Variants in ZBTB38 observed in about 807,000 individuals in gnomAD.
ZBTB38 encodes the protein zinc finger and BTB domain-containing protein 38.
ZBTB38 carries 20 observed loss-of-function variants against 76.8 expected under a neutral mutation model. That is an observed-to-expected ratio of 0.26 (90% CI 0.18 to 0.38). ZBTB38 has a LOEUF of 0.38. ZBTB38 is among the 10% of genes least tolerant of loss of function. The pLI is 1.00. For synonymous variants in ZBTB38, 504 were observed against 544.2 expected (o/e 0.93, Z 1.03); for missense variants, 1,082 against 1,482.3 (o/e 0.73, Z 4.43).
At chr3:141,387,065 A>C (rs1947308403) in intron 4 of ZBTB38, 128 bp downstream of exon 4, 1 of 152,702 alleles carries the variant, frequency 6.5e-6, no homozygotes, top group Non-Finnish European at 1.5e-5. Flanking sequence ...TGCTGTGTCT[A>C]GAATTCATTA....
chr3:141,427,453 C>T (rs1378457987), intron 5 of ZBTB38, among the ~76,000 whole-genome samples: 4 of 152,166 alleles, frequency 2.6e-5, no homozygotes, highest in Admixed American at 6.5e-5. Context: ...CATGTGCAAA[C>T]GCCCTGGGCT....
chr3:141,396,643 C>A, intron 4 of ZBTB38: 1 of 160,108 alleles, frequency 6.2e-6, no homozygotes, highest in Non-Finnish European at 1.4e-5. Context: ...CAGTTATAGC[C>A]TTATGAAATA....
At chr3:141,340,950 G>GAAAGAAAGAAAGAA (rs1374086026) in intron 1 of ZBTB38, among the ~76,000 whole-genome samples, 2 of 7,202 alleles carry the variant, frequency 2.8e-4, no homozygotes, top group East Asian at 0.013. Context: ...AAGAAAGAAG[G>GAAAGAAAGAAAGAA]AAAGAAAGAA....
intron 1 of ZBTB38, among the ~76,000 whole-genome samples, chr3:141,351,721 TAA>T (rs11367112): frequency 0.15 from 17,965 of 122,564 alleles, 3,173 homozygotes; most frequent in African/African-American, 0.41. Flanking sequence ...CTCTGTCTCT[TAA>T]AAAAAAAAAA....
rs1381289097 is a variant in ZBTB38 at position 141,442,679 on chromosome 3, T to C, written c.291T>C (p.Val97=). Residue 97 remains valine, a synonymous_variant, in exon 6 of 6, where the codon GTT becomes GTC. Transcript: ENST00000321464. This position sits in a 1 kb window ranked among gnomAD's most constrained non-coding sequence, Gnocchi z 6.4. ...ILNYIYSSTV[V]VKRQETVTDL... is the part of the protein sequence containing the mutation. ...ATTATATCTACAGTTCCACAGTCGT[T>C]GTCAAGAGACAGGAAACAGTCACTG... is the stretch of plus-strand genomic sequence containing the variant. The C allele has an allele frequency of 6.2e-7, 1 of 1,614,216 alleles. No individual in the cohort carries two copies. Among genetic ancestry groups the C allele is most frequent in the Admixed American group, 1.7e-5 (1 of 60,036 alleles).
chr3:141,340,353 C>T (rs1943136849), intron 1 of ZBTB38, among the ~76,000 whole-genome samples: 1 of 151,998 alleles, frequency 6.6e-6, no homozygotes, highest in Non-Finnish European at 1.5e-5. Context: ...GAGACTTTGC[C>T]TAAAAGACCT....
chr3:141,356,120 G>A (rs13095453), intron 1 of ZBTB38, among the ~76,000 whole-genome samples: 40,106 of 151,932 alleles, frequency 0.26, 5,902 homozygotes, highest in Non-Finnish European at 0.32. Flanking sequence ...ATTAACAAAG[G>A]CGATGTGGAG....
At chr3:141,365,776 G>A (rs527927059), upstream of ZBTB38, among the ~76,000 whole-genome samples, 8 of 152,018 alleles carry the variant, frequency 5.3e-5, no homozygotes, top group East Asian at 1.2e-3. Context: ...TTTTGGGGTG[G>A]TGACAAAAAG....
chr3:141,391,986 T>C (rs962750834), intron 4 of ZBTB38, among the ~76,000 whole-genome samples: 1 of 152,222 alleles, frequency 6.6e-6, no homozygotes, highest in Non-Finnish European at 1.5e-5. Flanking sequence ...CAGAACTCTT[T>C]CATGCTTTTC....
At chr3:141,417,927 T>C (rs1427482810) in intron 5 of ZBTB38, among the ~76,000 whole-genome samples, 2 of 151,998 alleles carry the variant, frequency 1.3e-5, no homozygotes, top group Non-Finnish European at 2.9e-5. Context: ...GGCAGGAGAA[T>C]CATTTGAACC....
chr3:141,375,080 A>G (rs1347778942), intron 2 of ZBTB38, among the ~76,000 whole-genome samples: 1 of 152,236 alleles, frequency 6.6e-6, no homozygotes, highest in Admixed American at 6.5e-5. Flanking sequence ...GTTGGCAAAC[A>G]TTTATTAGAC....
intron 3 of ZBTB38, among the ~76,000 whole-genome samples, chr3:141,385,276 T>C (rs757335243): frequency 5.3e-5 from 8 of 151,104 alleles, no homozygotes; most frequent in Non-Finnish European, 1.2e-4. Context: ...CTATAAATAT[T>C]ATATATTCAA....
upstream of ZBTB38, among the ~76,000 whole-genome samples, chr3:141,364,233 T>TGACCAACA (rs1943894856): frequency 1.7e-5 from 2 of 120,494 alleles, no homozygotes; most frequent in East Asian, 2.5e-4. Context: ...TCAAGACCAG[T>TGACCAACA]TGGACTTCAT....
At chr3:141,408,496 G>T (rs1955444912) in intron 5 of ZBTB38, among the ~76,000 whole-genome samples, 2 of 151,952 alleles carry the variant, frequency 1.3e-5, no homozygotes, top group Non-Finnish European at 2.9e-5. Context: ...GCAGTGAGCT[G>T]AGATCGCACC....
chr3:141,406,063 GC>G lies in ZBTB38; in HGVS notation c.-1+2033del, dbSNP rs1257075818. Among the ~76,000 whole-genome samples, 203 of 152,354 alleles carry G rather than the reference GC, an allele frequency of 1.3e-3. 1 individual carries two copies. Among genetic ancestry groups the G allele is most frequent in the African/African-American group, 4.5e-3 (188 of 41,580 alleles). On this transcript the variant is annotated intron_variant, in intron 5 of 5. Coordinates refer to ENST00000321464, the MANE Select transcript of ZBTB38 (RefSeq NM_001376113.1). ...AAACTTGGAGCATATTCAGGGAAAAGCATCAAGTCCAACTGAGTTAGAACTG... is the reference window on the plus strand; with the variant it reads ...AAACTTGGAGCATATTCAGGGAAAAGATCAAGTCCAACTGAGTTAGAACTG...
chr3:141,381,069 A>T (rs910925190), intron 2 of ZBTB38, among the ~76,000 whole-genome samples: 1 of 152,200 alleles, frequency 6.6e-6, no homozygotes, highest in Non-Finnish European at 1.5e-5. Flanking sequence ...CCAATTCAGA[A>T]TCTAGAAGGC....
chr3:141,407,192 T>C (rs1284552443), intron 5 of ZBTB38, among the ~76,000 whole-genome samples: 1 of 152,260 alleles, frequency 6.6e-6, no homozygotes, highest in Non-Finnish European at 1.5e-5. Flanking sequence ...CCATTGCCTT[T>C]TACCATATGG....
rs1175867466 is a variant in ZBTB38 at position 141,397,383 on chromosome 3, A to T, written c.-105-6544A>T. Among the ~76,000 whole-genome samples, 13 of 152,012 alleles carry T rather than the reference A, an allele frequency of 8.6e-5. 1 individual carries two copies. The highest frequency in any genetic ancestry group is 8.5e-4 in the Admixed American group (13 of 15,254). The stretch of plus-strand genomic sequence containing the variant: ...TAAAGGGAATGTTGTGGCTCGTTTG[A>T]TCCTGTATCCTGACCACTCATTCTT... On this transcript the variant is annotated intron_variant, in intron 4 of 5. Coordinates refer to ENST00000321464, the MANE Select transcript of ZBTB38 (RefSeq NM_001376113.1).
Position 141,443,625 on chromosome 3 carries a change from C to G in ZBTB38, c.1237C>G (p.Pro413Ala). Residue 413 changes from proline (P) to alanine (A), a missense_variant, in exon 6 of 6, where the codon CCT becomes GCT. Pro to Ala is a conservative substitution (Grantham distance 27). Transcript: ENST00000321464. This position sits in a 1 kb window ranked among gnomAD's most constrained non-coding sequence, Gnocchi z 5.6. ...GGNQRFLENY[P>A]TIGQNGGSFT... The stretch of plus-strand genomic sequence containing the variant: ...AAACCAACGCTTTTTAGAAAACTAT[C>G]CTACCATTGGACAAAATGGAGGTTC... 6.2e-7 allele frequency: 1 copy of G among 1,614,200 alleles called. No individual in the cohort carries two copies. Among genetic ancestry groups the G allele is most frequent in the Non-Finnish European group, 8.5e-7 (1 of 1,180,046 alleles).
Sources: gnomAD v4.1 joint callset for allele counts (sites outside exome capture counted in the v4.1 genomes callset) on GRCh38, gnomAD v4.1.1 for gene constraint, Gnocchi (gnomAD v3.1) non-coding constraint, MANE v1.5 for transcripts, NCBI Gene and HGNC (gene_info 2026-07-23, HGNC 2026-07-21) for gene names.